ATRN: variants seen among roughly 807,000 people sequenced by gnomAD.
ATRN encodes the protein attractin-2.
ATRN carries 54 observed loss-of-function variants against 178.7 expected under a neutral mutation model. The ratio of observed to expected loss-of-function variants is 0.30; its 90% CI spans 0.24 to 0.38. ATRN has a LOEUF of 0.38. Ranked by LOEUF, ATRN falls within the 10% of genes least tolerant of loss-of-function variation. The probability of loss-of-function intolerance (pLI) is 1.00; values close to 1 mark genes in which losing one functional copy is unlikely to be tolerated. For synonymous variants in ATRN, 636 were observed against 663.0 expected (o/e 0.96, Z 0.63); for missense variants, 1,443 against 1,815.1 (o/e 0.79, Z 3.73).
chr20:3,496,706 C>G (rs2084885185), intron 1 of ATRN, among the ~76,000 whole-genome samples: 3 of 152,052 alleles, frequency 2.0e-5, no homozygotes, highest in Admixed American at 6.6e-5. Flanking sequence ...TCCTGTGTAT[C>G]CTTGTTGACT....
chr20:3,607,288 G>C (rs915101129), intron 24 of ATRN, among the ~76,000 whole-genome samples: 18 of 152,100 alleles, frequency 1.2e-4, no homozygotes, highest in Admixed American at 9.2e-4. Context: ...TAATGAATAA[G>C]TTATTGCTAA....
At chr20:3,580,172 A>G (rs972691408) in intron 15 of ATRN, among the ~76,000 whole-genome samples, 1 of 152,112 alleles carries the variant, frequency 6.6e-6, no homozygotes, top group Admixed American at 6.5e-5. Context: ...CTTGGCTGGC[A>G]GCTGACCTTT....
intron 1 of ATRN, among the ~76,000 whole-genome samples, chr20:3,513,740 C>G (rs543563789): frequency 3.3e-5 from 5 of 152,246 alleles, no homozygotes; most frequent in Admixed American, 3.3e-4. Flanking sequence ...GAATGTTCTT[C>G]CATTTGTTTG....
At chr20:3,497,072 G>T (rs2084890485) in intron 1 of ATRN, among the ~76,000 whole-genome samples, 1 of 150,988 alleles carries the variant, frequency 6.6e-6, no homozygotes, top group African/African-American at 2.4e-5. Context: ...CGTGAGATGG[G>T]TTTCCTGAAT....
At chr20:3,588,768 C>A (rs2086393502) in intron 18 of ATRN, among the ~76,000 whole-genome samples, 1 of 152,092 alleles carries the variant, frequency 6.6e-6, no homozygotes, top group Non-Finnish European at 1.5e-5. Flanking sequence ...ATTAATTCTT[C>A]TTTAGATGTT....
intron 12 of ATRN, among the ~76,000 whole-genome samples, chr20:3,574,075 C>G (rs2086169867): frequency 6.6e-6 from 1 of 152,168 alleles, no homozygotes. Flanking sequence ...GTCTCTACAT[C>G]AATTAATTTA....
At chr20:3,479,420 G>T (rs1377502615) in intron 1 of ATRN, among the ~76,000 whole-genome samples, 1 of 152,142 alleles carries the variant, frequency 6.6e-6, no homozygotes, top group Non-Finnish European at 1.5e-5. Flanking sequence ...ACTAAGATGT[G>T]ATTGACTTAA....
At chr20:3,549,117 C>T in intron 5 of ATRN, 53 bp from the exon 6 acceptor site, 1 of 1,400,182 alleles carries the variant, frequency 7.1e-7, no homozygotes, top group Non-Finnish European at 9.7e-7. Context: ...ACTTGAAATG[C>T]AGTAAGCTTT....
rs1474158260 is a variant in ATRN, at chr20:3,545,873, A to G, written c.720A>G (p.Gly240=). The change falls in exon 4 of 29, where the codon GGA becomes GGG. Residue 240 remains glycine, a synonymous_variant. Coordinates refer to ENST00000262919, the MANE Select transcript of ATRN (RefSeq NM_139321.3). ...GTGATGCTGCTTATAATTTGACTGGATTTAATATTACTTACAGGTAAGATA... is the reference window on the plus strand; with the variant it reads ...GTGATGCTGCTTATAATTTGACTGGGTTTAATATTACTTACAGGTAAGATA... ...FFSDAAYNLT[G]FNITYSFDMC... 6 of 1,613,666 alleles carry G rather than the reference A, an allele frequency of 3.7e-6. No homozygotes were observed. The highest frequency in any genetic ancestry group is 5.1e-6 in the Non-Finnish European group (6 of 1,179,812).
At chr20:3,491,018 G>A (rs920451478) in intron 1 of ATRN, 47 of 1,348,030 alleles carry the variant, frequency 3.5e-5, no homozygotes, top group East Asian at 6.9e-5. Context: ...TCCTTTAGCC[G>A]CAGCCTCTCT....
intron 1 of ATRN, among the ~76,000 whole-genome samples, chr20:3,493,053 T>C (rs1315171876): frequency 1.4e-5 from 2 of 146,768 alleles, no homozygotes; most frequent in Non-Finnish European, 3.0e-5. Flanking sequence ...TAATTATATA[T>C]GTATTATAGA....
At position 3,610,567 on chromosome 20, in the gene ATRN, ATTTTT is replaced by A. The variant is rs35770410; in HGVS notation, c.3801+6324_3801+6328del. On this transcript the variant is annotated intron_variant, in intron 24 of 28. Coordinates refer to ENST00000262919, the MANE Select transcript of ATRN (RefSeq NM_139321.3). ...ACACCGCCACGCTAGTTCCAGCTGA[ATTTTT>A]TTTTTTTTTTTTTTTTTTGAGACAG... 6.0e-4 allele frequency among the ~76,000 whole-genome samples: 56 copies of A among 93,642 alleles called. No homozygotes were observed. The South Asian group carries it at 0.02, about 33-fold the overall frequency. The allele number at this position is 93,642 out of a possible 152,430, so 61.4% of individuals were successfully genotyped here.
chr20:3,568,332 G>GT (rs1341082523), intron 11 of ATRN, among the ~76,000 whole-genome samples: 1 of 149,674 alleles, frequency 6.7e-6, no homozygotes, highest in Non-Finnish European at 1.5e-5. Flanking sequence ...TAATTTTTTA[G>GT]TTTTTGAAAT....
At chr20:3,629,305 T>A (rs1006448673) in intron 25 of ATRN, 2 of 985,224 alleles carry the variant, frequency 2.0e-6, no homozygotes, top group Non-Finnish European at 2.4e-6. Flanking sequence ...TGAACTGGCG[T>A]CCGCTTTTCC....
intron 1 of ATRN, among the ~76,000 whole-genome samples, chr20:3,509,164 CTG>C (rs2085087687): frequency 6.6e-6 from 1 of 152,112 alleles, no homozygotes; most frequent in Non-Finnish European, 1.5e-5. Context: ...GGAATGAAAA[CTG>C]ACTCAAGATA....
At chr20:3,572,657 A>C in intron 11 of ATRN, 74 bp from the exon 12 acceptor site, 1 of 1,355,760 alleles carries the variant, frequency 7.4e-7, no homozygotes, top group Non-Finnish European at 1.0e-6. Context: ...TCTCTTAAAA[A>C]AAAAAAAAAA....
At chr20:3,606,375 C>G (rs559210285) in intron 24 of ATRN, among the ~76,000 whole-genome samples, 2 of 152,106 alleles carry the variant, frequency 1.3e-5, no homozygotes, top group Admixed American at 6.5e-5. Flanking sequence ...TTAGGGAATC[C>G]TCTTCCTCTT....
At chr20:3,616,344 T>C (rs1226570435) in intron 24 of ATRN, among the ~76,000 whole-genome samples, 4 of 152,108 alleles carry the variant, frequency 2.6e-5, no homozygotes, top group Admixed American at 6.6e-5. Flanking sequence ...CAGCTGTGAG[T>C]GGACAGCAGG....
intron 1 of ATRN, among the ~76,000 whole-genome samples, chr20:3,505,421 G>T (rs551318624): frequency 1.3e-5 from 2 of 152,298 alleles, no homozygotes; most frequent in South Asian, 4.1e-4. Flanking sequence ...GGCTTCCCTG[G>T]CTCTGCAGCT....
Sources: gnomAD v4.1 joint callset for allele counts (sites outside exome capture counted in the v4.1 genomes callset) on GRCh38, gnomAD v4.1.1 for gene constraint, MANE v1.5 for transcripts, NCBI Gene and HGNC (gene_info 2026-07-23, HGNC 2026-07-21) for gene names.